UBE2H: variants seen among roughly 807,000 people sequenced by gnomAD.
UBE2H encodes ubiquitin-conjugating enzyme E2 H.
In UBE2H, 3 loss-of-function variants were observed where a neutral mutation model predicts 29.0. That is an observed-to-expected ratio of 0.10 (90% CI 0.05 to 0.27). The LOEUF (loss-of-function observed/expected upper bound fraction) is 0.27, where lower values mean the gene tolerates loss of function less well. UBE2H is among the 10% of genes least tolerant of loss of function. The probability of loss-of-function intolerance (pLI) is 1.00; values close to 1 mark genes in which losing one functional copy is unlikely to be tolerated. For synonymous variants in UBE2H, 69 were observed against 82.9 expected (o/e 0.83, Z 0.91); for missense variants, 68 against 228.2 (o/e 0.30, Z 4.52).
chr7:129,843,050 G>A (rs774690112), intron 5 of UBE2H, among the ~76,000 whole-genome samples: 4 of 147,932 alleles, frequency 2.7e-5, no homozygotes, highest in Non-Finnish European at 1.5e-5. Flanking sequence ...CCAGGCTGGG[G>A]TGCAGTAGTG....
At chr7:129,925,797 C>T (rs1455789317) in intron 1 of UBE2H, among the ~76,000 whole-genome samples, 4 of 152,170 alleles carry the variant, frequency 2.6e-5, no homozygotes, top group Non-Finnish European at 5.9e-5. Flanking sequence ...AGAAGCGATG[C>T]CTTTAAGATT....
intron 1 of UBE2H, among the ~76,000 whole-genome samples, chr7:129,897,905 G>A (rs574008777): frequency 6.6e-6 from 1 of 152,240 alleles, no homozygotes; most frequent in Admixed American, 6.5e-5. Flanking sequence ...TACCTTATTT[G>A]ATAATACGTT....
intron 3 of UBE2H, 62 bp downstream of exon 3, chr7:129,879,490 TTACCTCCCCTGAAATG>T: frequency 7.4e-7 from 1 of 1,353,192 alleles, no homozygotes; most frequent in South Asian, 1.3e-5. Flanking sequence ...CTGGCATTAA[TTACCTCCCCTGAAATG>T]TAAGATTTTT....
intron 1 of UBE2H, among the ~76,000 whole-genome samples, chr7:129,890,984 A>G (rs1447799288): frequency 6.6e-6 from 1 of 151,434 alleles, no homozygotes; most frequent in South Asian, 2.1e-4. Flanking sequence ...AATACAAAAC[A>G]AATTAGCTGG....
At chr7:129,890,341 ATATG>A (rs1327937357) in intron 1 of UBE2H, among the ~76,000 whole-genome samples, 4 of 151,834 alleles carry the variant, frequency 2.6e-5, no homozygotes, top group East Asian at 1.9e-4. Flanking sequence ...GTGTGTATAT[ATATG>A]TATGTATATA....
intron 3 of UBE2H, among the ~76,000 whole-genome samples, chr7:129,876,181 T>C (rs1806140858): frequency 6.6e-6 from 1 of 152,236 alleles, no homozygotes; most frequent in Admixed American, 6.5e-5. Flanking sequence ...CGAGTTTTAA[T>C]ACACTGGTCA....
At chr7:129,908,680 A>G (rs989966841) in intron 1 of UBE2H, among the ~76,000 whole-genome samples, 1 of 152,228 alleles carries the variant, frequency 6.6e-6, no homozygotes, top group Non-Finnish European at 1.5e-5. Flanking sequence ...AAAACCAGCA[A>G]AGCATACTGC....
chr7:129,835,136 C>A, intron 6 of UBE2H, 75 bp from the exon 7 acceptor site: 1 of 1,602,384 alleles, frequency 6.2e-7, no homozygotes. Flanking sequence ...AAAAAGCTGG[C>A]AAGGCTGCGG....
intron 1 of UBE2H, among the ~76,000 whole-genome samples, chr7:129,927,916 C>T (rs1206307792): frequency 6.6e-6 from 1 of 151,652 alleles, no homozygotes; most frequent in Non-Finnish European, 1.5e-5. Context: ...TTTATTGTAG[C>T]TGAGCGCAGT....
chr7:129,853,465 C>T (rs1431871838), intron 5 of UBE2H, among the ~76,000 whole-genome samples: 1 of 152,172 alleles, frequency 6.6e-6, no homozygotes, highest in Non-Finnish European at 1.5e-5. Flanking sequence ...TGGTCATCTG[C>T]TACTTTCTGT....
chr7:129,835,172 G>T, intron 6 of UBE2H, 111 bp from the exon 7 acceptor site: 2 of 1,450,738 alleles, frequency 1.4e-6, no homozygotes, highest in Non-Finnish European at 1.9e-6. Context: ...TTGAACACCA[G>T]GGGGGACAAA....
chr7:129,945,499 G>A (rs1461289485), intron 1 of UBE2H, among the ~76,000 whole-genome samples: 1 of 152,144 alleles, frequency 6.6e-6, no homozygotes, highest in Non-Finnish European at 1.5e-5. Context: ...GTGCCAAAAC[G>A]ATACCAACTA....
chr7:129,882,807 T>TA lies in UBE2H; in HGVS notation c.54-1837dup, dbSNP rs1209723879. On this transcript the variant is annotated intron_variant, in intron 1 of 6. Transcript: ENST00000355621. ...TGCTTAAAATGTTTTAAAACTTTTT[T>TA]AAAAAAAGCATCCTTGTGTCACGTA... 2.6e-5 allele frequency among the ~76,000 whole-genome samples: 4 copies of TA among 152,224 alleles called. No homozygotes were observed. The East Asian group carries it at 7.7e-4, about 29-fold the overall frequency.
At position 129,888,603 on chromosome 7, in the gene UBE2H, T is replaced by C. The variant is rs371869154; in HGVS notation, c.54-7632A>G. ...CATTCTCCTGCCTCGGCCTCCCGAGTAGCTGGGATTACAGGCGCCTGGCAC... is the reference window on the plus strand; with the variant it reads ...CATTCTCCTGCCTCGGCCTCCCGAGCAGCTGGGATTACAGGCGCCTGGCAC... On this transcript the variant is annotated intron_variant, in intron 1 of 6. Coordinates refer to ENST00000355621, the MANE Select transcript of UBE2H (RefSeq NM_003344.4). 1.3e-4 allele frequency among the ~76,000 whole-genome samples: 20 copies of C among 152,144 alleles called. No homozygotes were observed. The East Asian group carries it at 3.3e-3, about 25-fold the overall frequency.
chr7:129,839,405 G>C, intron 5 of UBE2H, 70 bp from the exon 6 acceptor site: 1 of 1,598,918 alleles, frequency 6.3e-7, no homozygotes, highest in South Asian at 1.1e-5. Flanking sequence ...GCATTCAGTA[G>C]TCAAGCTGCT....
chr7:129,867,542 A>G (rs1278758932), intron 3 of UBE2H, among the ~76,000 whole-genome samples: 3 of 57,430 alleles, frequency 5.2e-5, no homozygotes, highest in African/African-American at 2.2e-4. Context: ...CACTCTGGGG[A>G]CTGTGGTGGG....
intron 5 of UBE2H, among the ~76,000 whole-genome samples, chr7:129,844,191 G>A (rs1041959000): frequency 1.6e-4 from 24 of 152,170 alleles, no homozygotes; most frequent in African/African-American, 5.5e-4. Flanking sequence ...AGCAGAAAAG[G>A]AAACACATGA....
At chr7:129,867,862 G>T (rs1229973597) in intron 3 of UBE2H, among the ~76,000 whole-genome samples, 1 of 150,392 alleles carries the variant, frequency 6.6e-6, no homozygotes, top group African/African-American at 2.4e-5. Flanking sequence ...CCAGAAGATG[G>T]ACTCTGCAAC....
intron 1 of UBE2H, among the ~76,000 whole-genome samples, chr7:129,933,614 A>C (rs1207957612): frequency 6.6e-6 from 1 of 151,966 alleles, no homozygotes; most frequent in Non-Finnish European, 1.5e-5. Flanking sequence ...GAAAATGAAC[A>C]CTACATAAAA....
Sources: gnomAD v4.1 joint callset for allele counts (sites outside exome capture counted in the v4.1 genomes callset) on GRCh38, gnomAD v4.1.1 for gene constraint, MANE v1.5 for transcripts, NCBI Gene and HGNC (gene_info 2026-07-23, HGNC 2026-07-21) for gene names.